The following ITPR1 variants were observed in gnomAD, a reference collection of about 807,000 sequenced individuals.
ITPR1 encodes inositol 1,4,5-trisphosphate receptor type 1, also known as inositol 1,4,5-trisphosphate-gated calcium channel ITPR1.
A neutral mutation model predicts 318.4 loss-of-function variants in ITPR1; 96 were observed. The ratio of observed to expected loss-of-function variants is 0.30; its 90% confidence interval spans 0.26 to 0.36. ITPR1 has a LOEUF of 0.36. ITPR1 is among the 10% of genes least tolerant of loss of function. The probability of loss-of-function intolerance (pLI) is 1.00; values close to 1 mark genes in which losing one functional copy is unlikely to be tolerated. For missense variants in ITPR1, 2,440 were observed against 3,460.2 expected, an observed-to-expected ratio of 0.71 and a Z score of 7.40; for synonymous variants, 1,312 against 1,289.9, an observed-to-expected ratio of 1.02 and a Z score of -0.37.
intron 4 of ITPR1, among the ~76,000 whole-genome samples, chr3:4,576,074 G>A (rs928932577): frequency 2.0e-5 from 3 of 151,554 alleles, no homozygotes; most frequent in African/African-American, 7.3e-5. Flanking sequence ...AGTCTAATGA[G>A]GCACAAAGTC....
intron 40 of ITPR1, among the ~76,000 whole-genome samples, chr3:4,721,781 G>A (rs2042180350): frequency 6.6e-6 from 1 of 152,200 alleles, no homozygotes; most frequent in South Asian, 2.1e-4. Flanking sequence ...TACTGCTGAG[G>A]GCAGTAGAAA....
At chr3:4,739,944 G>A (rs1389439689) in intron 44 of ITPR1, among the ~76,000 whole-genome samples, 1 of 152,178 alleles carries the variant, frequency 6.6e-6, no homozygotes, top group African/African-American at 2.4e-5. Context: ...CTTAGAACAT[G>A]GTGACTGGGT....
intron 3 of ITPR1, among the ~76,000 whole-genome samples, chr3:4,520,071 A>G (rs183881500): frequency 1.4e-4 from 21 of 152,232 alleles, no homozygotes; most frequent in African/African-American, 4.8e-4. Flanking sequence ...TGCATTTGGG[A>G]TGAGAGGAGG....
chr3:4,503,858 C>T (rs1431018462), intron 2 of ITPR1, among the ~76,000 whole-genome samples: 1 of 152,034 alleles, frequency 6.6e-6, no homozygotes, highest in African/African-American at 2.4e-5. Flanking sequence ...GCTATGTGGG[C>T]AGAGGGGTGT....
intron 51 of ITPR1, among the ~76,000 whole-genome samples, chr3:4,784,602 T>A (rs1157556765): frequency 6.7e-6 from 1 of 149,720 alleles, no homozygotes; most frequent in Non-Finnish European, 1.5e-5. Flanking sequence ...GTCATGTGGC[T>A]GGGCACAGTG....
intron 4 of ITPR1, among the ~76,000 whole-genome samples, chr3:4,566,604 G>GCA (rs57756103): frequency 0.047 from 6,660 of 140,882 alleles, 244 homozygotes; most frequent in African/African-American, 0.11. Context: ...GGGGACACAT[G>GCA]CACACACACA....
chr3:4,692,924 C>A (rs1326666781), intron 32 of ITPR1, among the ~76,000 whole-genome samples: 1 of 152,102 alleles, frequency 6.6e-6, no homozygotes, highest in Non-Finnish European at 1.5e-5. Flanking sequence ...AGTTCGAGAC[C>A]AGCCTAGCCA....
rs116765973 is a variant in ITPR1 at position 4,790,873 on chromosome 3, T to A, written c.6808+2734T>A. The stretch of plus-strand genomic sequence containing the variant: ...ACTCTAGAACACACACATAGTCTTC[T>A]GTGCACTCACATCCTCTCTCTCACC... On this transcript the variant is annotated intron_variant, in intron 52 of 61. Transcript: ENST00000649015. Among the ~76,000 whole-genome samples the A allele has an allele frequency of 1.5e-3, 236 of 152,378 alleles. 1 individual carries two copies. The highest frequency in any genetic ancestry group is 5.3e-3 in the African/African-American group (222 of 41,592).
chr3:4,685,083 T>C lies in ITPR1; in HGVS notation c.3579T>C (p.Leu1193=). 1 of 1,610,046 alleles carries C rather than the reference T, an allele frequency of 6.2e-7. No homozygotes were observed. The highest frequency in any genetic ancestry group is 1.1e-5 in the South Asian group (1 of 90,156). ...YRVVKEILIR[L]SKLCVQESAS... ...CATTCTACTAGATTTTGATTCGGCT[T>C]AGCAAACTCTGTGTTCAAGAGAGTG... is the stretch of plus-strand genomic sequence containing the variant. The change falls in exon 30 of 62, where the codon CTT becomes CTC. Residue 1193 remains leucine (L), a synonymous_variant. Coordinates refer to ENST00000649015, the MANE Select transcript of ITPR1 (RefSeq NM_001378452.1).
At chr3:4,630,053 T>C (rs750548345) in intron 5 of ITPR1, among the ~76,000 whole-genome samples, 3 of 152,098 alleles carry the variant, frequency 2.0e-5, no homozygotes, top group Non-Finnish European at 2.9e-5. Flanking sequence ...TGGAATAAAA[T>C]TCATAAATAA....
At chr3:4,754,052 G>GT (rs1054950964) in intron 44 of ITPR1, among the ~76,000 whole-genome samples, 8 of 132,080 alleles carry the variant, frequency 6.1e-5, no homozygotes, top group South Asian at 2.5e-4. Context: ...AGAAAATGGG[G>GT]GGGGGGTGGC....
intron 4 of ITPR1, among the ~76,000 whole-genome samples, chr3:4,530,637 CA>C (rs1217027198): frequency 6.6e-6 from 1 of 152,074 alleles, no homozygotes; most frequent in Admixed American, 6.6e-5. Context: ...TGAAATTAGC[CA>C]AGCATGGTGG....
chr3:4,725,132 G>C (rs1434930622), intron 40 of ITPR1, among the ~76,000 whole-genome samples: 2 of 151,860 alleles, frequency 1.3e-5, no homozygotes, highest in African/African-American at 2.4e-5. Context: ...TTGGGCCCCT[G>C]CTTTCATCAC....
chr3:4,616,552 C>G (rs1314060312), intron 4 of ITPR1, among the ~76,000 whole-genome samples: 1 of 152,124 alleles, frequency 6.6e-6, no homozygotes, highest in Non-Finnish European at 1.5e-5. Flanking sequence ...TGTATATCAC[C>G]TATTGATTTC....
intron 4 of ITPR1, among the ~76,000 whole-genome samples, chr3:4,538,394 C>A (rs185568912): frequency 6.0e-4 from 91 of 152,214 alleles, no homozygotes; most frequent in Non-Finnish European, 1.1e-3. Flanking sequence ...AAGTCAGGAA[C>A]AACAGATGCT....
Position 4,737,297 on chromosome 3 carries a change from G to T in ITPR1, c.5544+1943G>T, listed in dbSNP as rs143243464. Reference sequence around the variant, plus strand: ...AAGGATGACATTTAGTGCCCTCCAAGAAGTAGAAGTGATGCCGGGGAACCA... The same window carrying T: ...AAGGATGACATTTAGTGCCCTCCAATAAGTAGAAGTGATGCCGGGGAACCA... On this transcript the variant is annotated intron_variant, in intron 44 of 61. Coordinates refer to ENST00000649015, the MANE Select transcript of ITPR1 (RefSeq NM_001378452.1). Among the ~76,000 whole-genome samples, 76 of 152,280 alleles carry T rather than the reference G, an allele frequency of 5.0e-4. No individual in the cohort carries two copies. The East Asian group carries it at 0.013, about 26-fold the overall frequency.
intron 4 of ITPR1, among the ~76,000 whole-genome samples, chr3:4,541,453 T>C (rs574260030): frequency 1.5e-4 from 23 of 152,312 alleles, no homozygotes; most frequent in South Asian, 1.0e-3. Flanking sequence ...TATTTTTTTT[T>C]CCCCTCTGGT....
chr3:4,552,151 C>G (rs1305513774), intron 4 of ITPR1, among the ~76,000 whole-genome samples: 1 of 152,262 alleles, frequency 6.6e-6, no homozygotes, highest in African/African-American at 2.4e-5. Flanking sequence ...GCAGTCAACA[C>G]AGATTTCTGT....
At chr3:4,528,518 G>T (rs376449576) in intron 4 of ITPR1, among the ~76,000 whole-genome samples, 2 of 151,994 alleles carry the variant, frequency 1.3e-5, no homozygotes, top group Admixed American at 6.6e-5. Context: ...AGTATTTTTT[G>T]ATTTTTTTCT....
Sources: gnomAD v4.1 joint callset for allele counts (sites outside exome capture counted in the v4.1 genomes callset) on GRCh38, gnomAD v4.1.1 for gene constraint, MANE v1.5 for transcripts, NCBI Gene and HGNC (gene_info 2026-07-23, HGNC 2026-07-21) for gene names.